MLLT3: variants seen among roughly 807,000 people sequenced by gnomAD.
MLLT3 encodes the protein protein AF-9.
MLLT3 carries 4 observed loss-of-function variants against 53.2 expected under a neutral mutation model. The observed-to-expected ratio is 0.08, with a 90% confidence interval of 0.04 to 0.17. The LOEUF (loss-of-function observed/expected upper bound fraction) is 0.17. MLLT3 is among the 10% of genes least tolerant of loss of function. The pLI is 1.00. For missense variants in MLLT3, 569 were observed against 684.0 expected, an observed-to-expected ratio of 0.83 and a Z score of 1.87; for synonymous variants, 283 against 230.6, an observed-to-expected ratio of 1.23 and a Z score of -2.06.
intron 2 of MLLT3, among the ~76,000 whole-genome samples, chr9:20,542,176 T>A (rs1818652775): frequency 6.6e-6 from 1 of 151,742 alleles, no homozygotes; most frequent in Non-Finnish European, 1.5e-5. Flanking sequence ...ATAGTATCAA[T>A]CTCCTCATAC....
At chr9:20,600,316 A>G (rs1032839680) in intron 2 of MLLT3, among the ~76,000 whole-genome samples, 1 of 152,198 alleles carries the variant, frequency 6.6e-6, no homozygotes, top group Non-Finnish European at 1.5e-5. Context: ...GCATTTCCAG[A>G]AGGTAAGAAC....
intron 3 of MLLT3, among the ~76,000 whole-genome samples, chr9:20,452,369 C>T (rs1016122985): frequency 6.6e-6 from 1 of 152,036 alleles, no homozygotes. Context: ...CCCACTTTGC[C>T]TGCATTTTTC....
At chr9:20,527,462 C>T (rs1267553864) in intron 2 of MLLT3, among the ~76,000 whole-genome samples, 1 of 152,150 alleles carries the variant, frequency 6.6e-6, no homozygotes, top group Non-Finnish European at 1.5e-5. Context: ...TTACTTAACA[C>T]TTCAAATACC....
At chr9:20,489,483 C>T (rs1047561813) in intron 2 of MLLT3, among the ~76,000 whole-genome samples, 1 of 152,288 alleles carries the variant, frequency 6.6e-6, no homozygotes, top group South Asian at 2.1e-4. Flanking sequence ...GTAAGAGAAA[C>T]TGTGGGTGAT....
chr9:20,620,561 C>CG lies in MLLT3; in HGVS notation c.193+92dup. ...CGAGGCTACGCCGGCGAGCGCGGCG[C>CG]GGGGGGCGGGGAGCGGGACAGCGGG... On this transcript the variant is annotated intron_variant, in intron 2 of 10. Coordinates refer to ENST00000380338, the MANE Select transcript of MLLT3 (RefSeq NM_004529.4). The surrounding 1 kb of genome is among the most constrained non-coding windows in gnomAD (Gnocchi z 6.1). 5.2e-6 allele frequency: 6 copies of CG among 1,164,562 alleles called. No individual in the cohort carries two copies. Among genetic ancestry groups the CG allele is most frequent in the Admixed American group, 3.2e-5 (1 of 31,718 alleles). The allele number at this position is 1,164,562 out of a possible 1,614,324, so 72.1% of individuals were successfully genotyped here.
chr9:20,342,222 T>C lies in MLLT3; in HGVS notation c.*4221A>G, dbSNP rs10811346. 90,767 of 219,952 alleles carry C rather than the reference T, an allele frequency of 0.41. 25,141 individuals carry two copies. The highest frequency in any genetic ancestry group is 0.84 in the East Asian group (12,512 of 14,978). 13.6% of individuals were successfully genotyped at this position (219,952 alleles called of 1,614,324 possible). On this transcript the variant is annotated 3_prime_UTR_variant, in exon 11 of 11. Coordinates refer to ENST00000380338, the MANE Select transcript of MLLT3 (RefSeq NM_004529.4). ...AAAAAAGGTGCTGAAACAGATTATA[T>C]GAGTTTAAGTAAAACACCTATTTCT...
intron 2 of MLLT3, among the ~76,000 whole-genome samples, chr9:20,504,074 C>T (rs1195193297): frequency 6.6e-6 from 1 of 151,866 alleles, no homozygotes. Flanking sequence ...ATATAGAGAG[C>T]AGAGAAAAAG....
At position 20,499,158 on chromosome 9, in the gene MLLT3, TC is replaced by T. The variant is rs1262149490; in HGVS notation, c.194-42373del. 2.0e-5 allele frequency among the ~76,000 whole-genome samples: 3 copies of T among 152,290 alleles called. No homozygotes were observed. The East Asian group carries it at 5.8e-4, about 29-fold the overall frequency. ...TGGGCTTCTTCCTGCCTCTGTATCT[TC>T]ATATAAAGTATCTCCTCATAAAGAC... On this transcript the variant is annotated intron_variant, in intron 2 of 10. Transcript: ENST00000380338.
rs915565469 is a variant in MLLT3, at chr9:20,353,395, A to G, written c.1575+130T>C. On this transcript the variant is annotated intron_variant, in intron 10 of 10. Coordinates refer to ENST00000380338, the MANE Select transcript of MLLT3 (RefSeq NM_004529.4). ...AGAAATGAGAACCTTTCCCAAATACATCTACAGGTGGCATTCGCCAGGTTC... is the reference window on the plus strand; with the variant it reads ...AGAAATGAGAACCTTTCCCAAATACGTCTACAGGTGGCATTCGCCAGGTTC... 5 of 762,952 alleles carry G rather than the reference A, an allele frequency of 6.6e-6. No individual in the cohort carries two copies. The African/African-American group carries it at 8.6e-5, about 13-fold the overall frequency. The allele number at this position is 762,952 out of a possible 1,614,324, so 47.3% of individuals were successfully genotyped here.
chr9:20,470,921 T>C (rs1824373843), intron 2 of MLLT3, among the ~76,000 whole-genome samples: 1 of 151,992 alleles, frequency 6.6e-6, no homozygotes, highest in African/African-American at 2.4e-5. Flanking sequence ...CAAAAAGCAG[T>C]GAGACATTTA....
At chr9:20,374,185 C>G (rs1200569527) in intron 5 of MLLT3, among the ~76,000 whole-genome samples, 2 of 152,166 alleles carry the variant, frequency 1.3e-5, no homozygotes, top group African/African-American at 4.8e-5. Context: ...GAGTTCAAGA[C>G]CAGCCTGGGC....
intron 2 of MLLT3, among the ~76,000 whole-genome samples, chr9:20,550,004 A>G (rs377016906): frequency 5.2e-4 from 79 of 152,198 alleles, no homozygotes; most frequent in African/African-American, 1.5e-3. Context: ...CTCATCACTC[A>G]TCTACAAGAA....
intron 2 of MLLT3, among the ~76,000 whole-genome samples, chr9:20,618,265 G>A (rs998560574): frequency 6.6e-6 from 1 of 152,114 alleles, no homozygotes; most frequent in Admixed American, 6.5e-5. Flanking sequence ...CACTTTAAAA[G>A]GTACTGGAAG....
At chr9:20,590,228 G>A (rs1312999716) in intron 2 of MLLT3, among the ~76,000 whole-genome samples, 2 of 152,114 alleles carry the variant, frequency 1.3e-5, no homozygotes, top group Non-Finnish European at 2.9e-5. Context: ...CATCCTAGAA[G>A]TCAGGGTAGA....
intron 2 of MLLT3, among the ~76,000 whole-genome samples, chr9:20,580,046 T>C (rs117061681): frequency 1.4e-4 from 22 of 152,234 alleles, no homozygotes; most frequent in Non-Finnish European, 2.8e-4. Context: ...AAGAAAGCCA[T>C]AGCTTCTTAC....
chr9:20,469,490 G>A (rs1019879890), intron 2 of MLLT3, among the ~76,000 whole-genome samples: 3 of 152,014 alleles, frequency 2.0e-5, no homozygotes, highest in Non-Finnish European at 4.4e-5. Flanking sequence ...AATCTTAATA[G>A]TATTCCAGAA....
intron 5 of MLLT3, among the ~76,000 whole-genome samples, chr9:20,395,355 G>C (rs901042653): frequency 2.4e-4 from 36 of 152,122 alleles, no homozygotes; most frequent in Non-Finnish European, 3.8e-4. Context: ...CCTGGCAGAA[G>C]GCAAGATTTT....
intron 5 of MLLT3, 46 bp from the exon 6 acceptor site, chr9:20,365,790 C>T (rs768251783): frequency 1.3e-6 from 2 of 1,590,880 alleles, no homozygotes; most frequent in Non-Finnish European, 1.7e-6. Flanking sequence ...TTACGGGATA[C>T]CACACATCTA....
chr9:20,443,513 T>C (rs191542103), intron 4 of MLLT3, among the ~76,000 whole-genome samples: 2 of 152,292 alleles, frequency 1.3e-5, no homozygotes, highest in East Asian at 3.9e-4. Context: ...AAGCACTTCA[T>C]ACAAGCAAAA....
Sources: allele counts gnomAD v4.1 joint callset (sites outside exome capture counted in the v4.1 genomes callset), GRCh38; gene constraint gnomAD v4.1.1; non-coding constraint Gnocchi (gnomAD v3.1); transcripts MANE v1.5; gene names NCBI Gene and HGNC (gene_info 2026-07-23, HGNC 2026-07-21).